Variants in ZFHX3 observed in about 807,000 individuals in gnomAD.
The protein encoded by ZFHX3 is zinc finger homeobox 3, also known as zinc finger homeobox protein 3.
A neutral mutation model predicts 279.1 loss-of-function variants in ZFHX3; 42 were observed. That is an observed-to-expected ratio of 0.15 (90% CI 0.12 to 0.19). The LOEUF (loss-of-function observed/expected upper bound fraction) is 0.19. Ranked by LOEUF, ZFHX3 falls within the 10% of genes least tolerant of loss-of-function variation. The pLI is 1.00. For missense variants in ZFHX3, 4,981 were observed against 4,754.0 expected, an observed-to-expected ratio of 1.05 and a Z score of -1.40; for synonymous variants, 2,293 against 1,957.8, an observed-to-expected ratio of 1.17 and a Z score of -4.52.
At chr16:73,006,632 A>T (rs538753614) in intron 1 of ZFHX3, among the ~76,000 whole-genome samples, 1 of 151,826 alleles carries the variant, frequency 6.6e-6, no homozygotes, top group South Asian at 2.1e-4. Context: ...GAAAGAAAAG[A>T]AAAAAAAGAA....
At chr16:73,821,414 C>G (rs1328518829) in intron 1 of ZFHX3, among the ~76,000 whole-genome samples, 1 of 152,194 alleles carries the variant, frequency 6.6e-6, no homozygotes, top group Non-Finnish European at 1.5e-5. Flanking sequence ...AAGAACTGAT[C>G]CTTAACCTTC....
chr16:73,887,159 C>T (rs1246654856), intron 1 of ZFHX3, among the ~76,000 whole-genome samples: 1 of 152,096 alleles, frequency 6.6e-6, no homozygotes. Context: ...TTAATATATG[C>T]TAAGGATTAT....
intron 5 of ZFHX3, among the ~76,000 whole-genome samples, chr16:73,176,219 A>C (rs1427154762): frequency 2.0e-5 from 3 of 152,242 alleles, no homozygotes; most frequent in Non-Finnish European, 4.4e-5. Flanking sequence ...GCCCAGAATA[A>C]GTTCAATGAC....
chr16:73,281,373 C>T (rs1056412792), intron 4 of ZFHX3, among the ~76,000 whole-genome samples: 11 of 152,118 alleles, frequency 7.2e-5, no homozygotes, highest in African/African-American at 2.7e-4. Context: ...TGAAATAAGC[C>T]TGACACAGAT....
chr16:73,605,430 C>A (rs1434012378), intron 2 of ZFHX3, among the ~76,000 whole-genome samples: 2 of 152,172 alleles, frequency 1.3e-5, no homozygotes, highest in East Asian at 3.9e-4. Context: ...GTTAAATCAG[C>A]TAATCTTTCA....
intron 3 of ZFHX3, among the ~76,000 whole-genome samples, chr16:72,931,978 T>C (rs1212619356): frequency 6.6e-6 from 1 of 152,238 alleles, no homozygotes; most frequent in Non-Finnish European, 1.5e-5. Context: ...ATTCTCGTTT[T>C]TCCATCTTTG....
At chr16:73,594,732 T>C (rs115950189) in intron 2 of ZFHX3, among the ~76,000 whole-genome samples, 1 of 152,212 alleles carries the variant, frequency 6.6e-6, no homozygotes, top group African/African-American at 2.4e-5. Flanking sequence ...AAGCCTAACA[T>C]TGGCATGCGA....
chr16:73,685,697 G>A (rs2053075444), intron 1 of ZFHX3, among the ~76,000 whole-genome samples: 1 of 152,168 alleles, frequency 6.6e-6, no homozygotes, highest in Admixed American at 6.5e-5. Flanking sequence ...TCTTTATAAT[G>A]AGCCTATTAT....
chr16:73,881,853 C>T (rs1420131448), intron 1 of ZFHX3, among the ~76,000 whole-genome samples: 1 of 152,038 alleles, frequency 6.6e-6, no homozygotes, highest in African/African-American at 2.4e-5. Context: ...ATTACCTGAG[C>T]AGTGTCCCCT....
Position 73,229,054 on chromosome 16 carries a change from C to T in ZFHX3, c.-1104+27993G>A, listed in dbSNP as rs117155413. Among the ~76,000 whole-genome samples, 1,162 of 152,178 alleles carry T rather than the reference C, an allele frequency of 7.6e-3. 5 individuals are homozygous for T. Among genetic ancestry groups the T allele is most frequent in the African/African-American group, 0.017 (713 of 41,508 alleles). ...TCAGGATTCTTGACTGATAATCCTG[C>T]CTGTAAGTAATAGAATATTAGAGAT... On this transcript the variant is annotated intron_variant, in intron 5 of 17. Transcript: ENST00000641206.
At chr16:73,371,459 G>A (rs1360415557) in intron 3 of ZFHX3, among the ~76,000 whole-genome samples, 5 of 151,440 alleles carry the variant, frequency 3.3e-5, no homozygotes, top group African/African-American at 4.8e-5. Flanking sequence ...AACTCGGCTC[G>A]CTGCAACCTC....
chr16:73,305,160 C>A lies in ZFHX3; in HGVS notation c.-1194+13080G>T, dbSNP rs74030051. Among the ~76,000 whole-genome samples the A allele has an allele frequency of 8.8e-3, 1,344 of 152,248 alleles. 21 individuals carry two copies. The highest frequency in any genetic ancestry group is 0.025 in the African/African-American group (1,018 of 41,550). On this transcript the variant is annotated intron_variant, in intron 4 of 17. Transcript: ENST00000641206. The stretch of plus-strand genomic sequence containing the variant: ...CACCTCACAGCAGCGGCATGAGCTG[C>A]CAACATGAGGCGGGGTGGCCAGGTG...
At chr16:73,423,232 A>AG (rs1020004414) in intron 3 of ZFHX3, among the ~76,000 whole-genome samples, 10 of 33,998 alleles carry the variant, frequency 2.9e-4, no homozygotes, top group African/African-American at 1.4e-3. Flanking sequence ...AAGAGCTGTT[A>AG]GGGAAAAAAA....
At chr16:73,487,408 A>ATT (rs35394633) in intron 2 of ZFHX3, 82,533 of 378,172 alleles carry the variant, frequency 0.22, 6,518 homozygotes, top group Non-Finnish European at 0.29. Flanking sequence ...TATCTATGTG[A>ATT]TTTTTTTTTT....
intron 2 of ZFHX3, among the ~76,000 whole-genome samples, chr16:73,559,585 G>A (rs1033306583): frequency 2.6e-5 from 4 of 152,144 alleles, no homozygotes; most frequent in African/African-American, 7.2e-5. Flanking sequence ...TCTCGGGTCC[G>A]GTTGCTGCAT....
chr16:73,346,471 G>T (rs145719695), intron 3 of ZFHX3, among the ~76,000 whole-genome samples: 6 of 152,274 alleles, frequency 3.9e-5, no homozygotes, highest in Non-Finnish European at 8.8e-5. Context: ...ACCCCAAGTT[G>T]TCATGCACTT....
intron 2 of ZFHX3, among the ~76,000 whole-genome samples, chr16:73,658,592 C>T (rs1008946279): frequency 3.9e-5 from 6 of 152,126 alleles, no homozygotes; most frequent in Non-Finnish European, 8.8e-5. Flanking sequence ...CATGAGCCGC[C>T]GTGCCTGGCC....
At chr16:73,381,851 T>C (rs1156840091) in intron 3 of ZFHX3, among the ~76,000 whole-genome samples, 1 of 152,222 alleles carries the variant, frequency 6.6e-6, no homozygotes, top group Non-Finnish European at 1.5e-5. Flanking sequence ...ACAGGCCGCA[T>C]TCAAAGCCAT....
chr16:72,795,023 G>A lies in ZFHX3; in HGVS notation c.7659C>T (p.Phe2553=). The A allele has an allele frequency of 6.2e-7, 1 of 1,614,202 alleles. No individual in the cohort carries two copies. The highest frequency in any genetic ancestry group is 8.5e-7 in the Non-Finnish European group (1 of 1,180,038). ...GGATGAACTGGTTCTGCGCGCTCAG[G>A]AAGTGGAGCTGCTGATGCTCCTGCC... The part of the protein sequence containing the change: ...EHWQEHQQLH[F]LSAQNQFIHP... Residue 2553 remains phenylalanine, a synonymous_variant, in exon 9 of 10, where the codon TTC becomes TTT. Transcript: ENST00000268489.
Sources: gnomAD v4.1 joint callset for allele counts (sites outside exome capture counted in the v4.1 genomes callset) on GRCh38, gnomAD v4.1.1 for gene constraint, MANE v1.5 for transcripts, NCBI Gene and HGNC (gene_info 2026-07-23, HGNC 2026-07-21) for gene names.